The following CSMD1 variants were observed in gnomAD, a reference collection of about 807,000 sequenced individuals.
CSMD1 encodes CUB and sushi domain-containing protein 1.
In CSMD1, 213 loss-of-function variants were observed where a neutral mutation model predicts 417.5. That is an observed-to-expected ratio of 0.51 (90% CI 0.46 to 0.57). The LOEUF is 0.57. CSMD1 is among the 20% of genes least tolerant of loss of function. CSMD1 has a pLI of 0.00. For missense variants in CSMD1, 6,923 were observed against 4,529.7 expected (o/e 1.53, Z -15.17); for synonymous variants, 2,862 against 1,736.8 (o/e 1.65, Z -16.11).
intron 12 of CSMD1, among the ~76,000 whole-genome samples, chr8:3,451,821 A>C (rs1370214716): frequency 1.3e-5 from 2 of 152,068 alleles, no homozygotes; most frequent in Non-Finnish European, 2.9e-5. Flanking sequence ...TTCCATATGA[A>C]CTTTAAAGTA....
intron 5 of CSMD1, among the ~76,000 whole-genome samples, chr8:3,923,083 C>G (rs915204676): frequency 6.6e-6 from 1 of 152,070 alleles, no homozygotes; most frequent in Non-Finnish European, 1.5e-5. Flanking sequence ...AGCCCAGTTG[C>G]GAAGGGCCCT....
chr8:3,744,827 T>C (rs1563333471), intron 6 of CSMD1, among the ~76,000 whole-genome samples: 2 of 152,216 alleles, frequency 1.3e-5, no homozygotes, highest in South Asian at 2.1e-4. Context: ...CATATATCTA[T>C]GGAACTGAAC....
chr8:4,051,457 G>A (rs902539541), intron 3 of CSMD1, among the ~76,000 whole-genome samples: 28 of 152,086 alleles, frequency 1.8e-4, no homozygotes, highest in African/African-American at 4.1e-4. Flanking sequence ...AATTCAAAGC[G>A]CCCTACACGT....
At chr8:4,732,497 T>C (rs994410340) in intron 1 of CSMD1, among the ~76,000 whole-genome samples, 6 of 152,112 alleles carry the variant, frequency 3.9e-5, no homozygotes, top group African/African-American at 1.4e-4. Context: ...CACCATCGAT[T>C]ACTTTTCGAG....
intron 5 of CSMD1, among the ~76,000 whole-genome samples, chr8:3,776,655 C>G (rs1163623157): frequency 6.6e-6 from 1 of 152,116 alleles, no homozygotes; most frequent in African/African-American, 2.4e-5. Context: ...TTCTTTCCCT[C>G]CTTCCCACCA....
intron 3 of CSMD1, among the ~76,000 whole-genome samples, chr8:4,305,839 G>T (rs1051677219): frequency 1.3e-5 from 2 of 152,082 alleles, no homozygotes; most frequent in Non-Finnish European, 1.5e-5. Context: ...GTAACTTGCC[G>T]ATCTTGTATG....
chr8:4,435,144 T>A (rs953172900), intron 2 of CSMD1, among the ~76,000 whole-genome samples: 1 of 152,172 alleles, frequency 6.6e-6, no homozygotes, highest in Non-Finnish European at 1.5e-5. Flanking sequence ...GTATCAGTAA[T>A]ATATTATTTT....
At chr8:4,204,427 A>AT (rs1432228329) in intron 3 of CSMD1, among the ~76,000 whole-genome samples, 2 of 152,196 alleles carry the variant, frequency 1.3e-5, no homozygotes, top group African/African-American at 4.8e-5. Flanking sequence ...CCATAAGCTA[A>AT]TTCCAAAACC....
At position 4,304,934 on chromosome 8, in the gene CSMD1, C is replaced by T. The variant is rs555394189; in HGVS notation, c.415+115019G>A. Among the ~76,000 whole-genome samples the T allele has an allele frequency of 4.3e-4, 65 of 152,172 alleles. No homozygotes were observed. In the South Asian group the frequency reaches 8.9e-3, roughly 21 times the overall value. Reference sequence around the variant, plus strand: ...GTAACGATGAGATGATGAACAAGTACTCTTTTATCAGGCTGTGGTATTTGC... The same window carrying T: ...GTAACGATGAGATGATGAACAAGTATTCTTTTATCAGGCTGTGGTATTTGC... On this transcript the variant is annotated intron_variant, in intron 3 of 69. Transcript: ENST00000635120.
chr8:3,498,165 T>C (rs1226209362), intron 10 of CSMD1, among the ~76,000 whole-genome samples: 2 of 152,234 alleles, frequency 1.3e-5, no homozygotes, highest in African/African-American at 4.8e-5. Flanking sequence ...CTGAGAAATC[T>C]AATGTTAGTC....
rs142785320 is a variant in CSMD1 at position 4,623,919 on chromosome 8, T to C, written c.302+13423A>G. On this transcript the variant is annotated intron_variant, in intron 2 of 69. Transcript: ENST00000635120. ...GAAATATTCGTTAGCTTGATGGTGG[T>C]GGTGTTCCACGGTTGTATATAAATC... 1.5e-3 allele frequency among the ~76,000 whole-genome samples: 224 copies of C among 152,214 alleles called. 1 individual carries two copies. The highest frequency in any genetic ancestry group is 5.3e-3 in the African/African-American group (219 of 41,506).
rs745602104 is a variant in CSMD1, at chr8:4,398,008, G to C, written c.415+21945C>G. ...ATGATTTTTAAATACCTTTGTCTAG[G>C]TCATACATACTGGTATCAATTTCTA... On this transcript the variant is annotated intron_variant, in intron 3 of 69. Coordinates refer to ENST00000635120, the MANE Select transcript of CSMD1 (RefSeq NM_033225.6). Among the ~76,000 whole-genome samples, 7 of 152,246 alleles carry C rather than the reference G, an allele frequency of 4.6e-5. No homozygotes were observed. In the East Asian group the frequency reaches 5.8e-4, roughly 13 times the overall value.
chr8:4,243,964 G>T (rs578118493), intron 3 of CSMD1, among the ~76,000 whole-genome samples: 1 of 152,192 alleles, frequency 6.6e-6, no homozygotes, highest in African/African-American at 2.4e-5. Context: ...AGTAGCAGGT[G>T]GGAACGGGTT....
chr8:3,459,040 C>T (rs779648315), intron 12 of CSMD1, among the ~76,000 whole-genome samples: 2 of 152,164 alleles, frequency 1.3e-5, no homozygotes, highest in African/African-American at 4.8e-5. Flanking sequence ...AGGACCCGCC[C>T]GGAGAGAAGG....
chr8:4,715,495 C>T (rs1429250764), intron 1 of CSMD1, among the ~76,000 whole-genome samples: 1 of 152,088 alleles, frequency 6.6e-6, no homozygotes, highest in Non-Finnish European at 1.5e-5. Flanking sequence ...AATTGATAAT[C>T]CTCAAATCTG....
At chr8:3,498,044 C>T (rs1796440003) in intron 10 of CSMD1, among the ~76,000 whole-genome samples, 1 of 152,200 alleles carries the variant, frequency 6.6e-6, no homozygotes, top group Non-Finnish European at 1.5e-5. Context: ...TCTTACAACT[C>T]TAATGTATAG....
intron 3 of CSMD1, among the ~76,000 whole-genome samples, chr8:4,418,875 A>G (rs1490381847): frequency 1.3e-5 from 2 of 152,144 alleles, no homozygotes; most frequent in African/African-American, 4.8e-5. Context: ...CATGAAAGAC[A>G]TTAGAGGCAG....
chr8:4,236,039 G>GTTTTTTTTTTTTTTTTTTTTTTTTTTT (rs869245155), intron 3 of CSMD1, among the ~76,000 whole-genome samples: 2 of 31,686 alleles, frequency 6.3e-5, no homozygotes, highest in African/African-American at 1.4e-4. Context: ...TTTTTTGTTT[G>GTTTTTTTTTTTTTTTTTTTTTTTTTTT]TTTTTTTTTT....
chr8:3,782,330 T>C lies in CSMD1; in HGVS notation c.819-28288A>G, dbSNP rs532719241. Among the ~76,000 whole-genome samples, 9 of 152,272 alleles carry C rather than the reference T, an allele frequency of 5.9e-5. No homozygotes were observed. The South Asian group carries it at 1.9e-3, about 32-fold the overall frequency. On this transcript the variant is annotated intron_variant, in intron 5 of 69. Transcript: ENST00000635120. ...CCATACTTGTATGATACTGTGGCCC[T>C]ATAGGAAAATGTTCAAAAAGGGAAC...
Sources: gnomAD v4.1 joint callset for allele counts (sites outside exome capture counted in the v4.1 genomes callset) on GRCh38, gnomAD v4.1.1 for gene constraint, MANE v1.5 for transcripts, NCBI Gene and HGNC (gene_info 2026-07-23, HGNC 2026-07-21) for gene names.